Variants in FHOD3 observed in about 807,000 individuals in gnomAD.
FHOD3 encodes the protein formin homology 2 domain containing 3.
Under a neutral mutation model 173.0 loss-of-function variants are expected in FHOD3, and 90 were observed. That is an observed-to-expected ratio of 0.52 (90% CI 0.44 to 0.62). The LOEUF is 0.62. Among genes scored for constraint, FHOD3 ranks in the 20% least tolerant of loss-of-function variants. FHOD3 has a pLI of 0.00. For synonymous variants in FHOD3, 828 were observed against 823.0 expected, an observed-to-expected ratio of 1.01 and a Z score of -0.10; for missense variants, 1,945 against 2,034.7, an observed-to-expected ratio of 0.96 and a Z score of 0.85.
chr18:36,652,657 C>T lies in FHOD3; in HGVS notation c.1374C>T (p.Ser458=). 6.5e-7 allele frequency: 1 copy of T among 1,535,624 alleles called. No individual in the cohort carries two copies. The change falls in exon 12 of 29, where the codon AGC becomes AGT. Residue 458 remains serine, a synonymous_variant. Transcript: ENST00000590592. ...SSALPAVSNA[S]SQGKPLLVGT... Reference sequence around the variant, plus strand: ...CCCTCCCTGCTGTCTCGAATGCCAGCTCGCAGGGAAAGCCGCTTCTGGTTG... The same window carrying T: ...CCCTCCCTGCTGTCTCGAATGCCAGTTCGCAGGGAAAGCCGCTTCTGGTTG...
intron 23 of FHOD3, 36 bp downstream of exon 23, chr18:36,744,229 C>G (rs368206434): frequency 2.5e-6 from 4 of 1,582,428 alleles, no homozygotes; most frequent in Non-Finnish European, 3.4e-6. Flanking sequence ...GGCCTGGTCT[C>G]GCTGCAGCCA....
chr18:36,645,454 G>A (rs1273316440), intron 10 of FHOD3, among the ~76,000 whole-genome samples: 5 of 152,064 alleles, frequency 3.3e-5, no homozygotes, highest in Non-Finnish European at 5.9e-5. Context: ...TGGCTTAGAT[G>A]TGCTTGTTTG....
intron 1 of FHOD3, among the ~76,000 whole-genome samples, chr18:36,353,100 C>T (rs867548588): frequency 2.8e-4 from 42 of 152,342 alleles, no homozygotes; most frequent in African/African-American, 8.9e-4. Flanking sequence ...ACACCTTTGA[C>T]ACTACAGTAC....
rs9304162 is a variant in FHOD3, at chr18:36,740,667, G to C, written c.3588G>C (p.Thr1196=). 2 of 1,613,220 alleles carry C rather than the reference G, an allele frequency of 1.2e-6. No individual in the cohort carries two copies. The highest frequency in any genetic ancestry group is 1.7e-6 in the Non-Finnish European group (2 of 1,179,812). Residue 1196 remains threonine (T), a synonymous_variant, in exon 21 of 29, where the codon ACG becomes ACC. Transcript: ENST00000590592. The part of the protein sequence containing the change: ...LNKEGIEKIL[T]MIPTDEEKQK... Reference sequence around the variant, plus strand: ...TCTCCTATTTCCAGAAAATTCTAACGATGATTCCCACCGATGAGGAGAAGC... The same window carrying C: ...TCTCCTATTTCCAGAAAATTCTAACCATGATTCCCACCGATGAGGAGAAGC...
At chr18:36,616,706 A>G (rs1020592968) in intron 9 of FHOD3, among the ~76,000 whole-genome samples, 12 of 151,940 alleles carry the variant, frequency 7.9e-5, no homozygotes, top group African/African-American at 2.7e-4. Flanking sequence ...TCATCCTACT[A>G]CTCCTATCCC....
intron 14 of FHOD3, among the ~76,000 whole-genome samples, chr18:36,671,311 A>T (rs942011998): frequency 6.6e-6 from 1 of 152,240 alleles, no homozygotes; most frequent in Non-Finnish European, 1.5e-5. Flanking sequence ...ATGTTCTCCA[A>T]TCAGTAAGCT....
intron 3 of FHOD3, among the ~76,000 whole-genome samples, chr18:36,375,428 T>C (rs1243267782): frequency 1.3e-5 from 2 of 152,218 alleles, no homozygotes; most frequent in African/African-American, 4.8e-5. Context: ...ACGATTGGAC[T>C]GGAAGGATCC....
chr18:36,606,023 T>TA (rs1171764403), intron 8 of FHOD3, among the ~76,000 whole-genome samples: 1 of 151,914 alleles, frequency 6.6e-6, no homozygotes, highest in African/African-American at 2.4e-5. Context: ...GTACAATGAG[T>TA]AACAAGAGGG....
chr18:36,694,028 G>A (rs776221118), intron 17 of FHOD3, among the ~76,000 whole-genome samples: 26 of 152,168 alleles, frequency 1.7e-4, no homozygotes, highest in Non-Finnish European at 2.6e-4. Context: ...TTGGAGAGGC[G>A]CGATGATATT....
intron 2 of FHOD3, among the ~76,000 whole-genome samples, chr18:36,357,430 C>T (rs1174665651): frequency 6.6e-6 from 1 of 152,168 alleles, no homozygotes; most frequent in Non-Finnish European, 1.5e-5. Context: ...TCCTGAATAG[C>T]ATGGCCATGC....
intron 3 of FHOD3, among the ~76,000 whole-genome samples, chr18:36,384,335 G>A (rs984065828): frequency 2.6e-5 from 4 of 151,934 alleles, no homozygotes; most frequent in Admixed American, 1.3e-4. Flanking sequence ...AGCTGAGATC[G>A]CACTACTAAA....
chr18:36,586,733 G>T (rs1599760671), intron 6 of FHOD3, among the ~76,000 whole-genome samples: 2 of 152,074 alleles, frequency 1.3e-5, no homozygotes, highest in South Asian at 4.1e-4. Flanking sequence ...TCCCACCTCG[G>T]CCCCGCAAAG....
intron 1 of FHOD3, among the ~76,000 whole-genome samples, chr18:36,319,566 TAGAC>T (rs1213753327): frequency 6.6e-6 from 1 of 152,150 alleles, no homozygotes; most frequent in African/African-American, 2.4e-5. Flanking sequence ...CTGTCAATAT[TAGAC>T]AGATCAATGA....
intron 19 of FHOD3, among the ~76,000 whole-genome samples, chr18:36,726,381 A>G (rs2041071623): frequency 6.6e-6 from 1 of 152,086 alleles, no homozygotes; most frequent in Non-Finnish European, 1.5e-5. Flanking sequence ...GTTTCTCATC[A>G]ATTGCAGAAC....
intron 17 of FHOD3, among the ~76,000 whole-genome samples, chr18:36,698,882 G>T (rs1345907641): frequency 6.6e-6 from 1 of 152,204 alleles, no homozygotes; most frequent in East Asian, 1.9e-4. Flanking sequence ...AAACATGCAG[G>T]CACATTGTGG....
intron 4 of FHOD3, among the ~76,000 whole-genome samples, chr18:36,511,054 A>G (rs368920643): frequency 2.6e-4 from 40 of 152,310 alleles, no homozygotes; most frequent in African/African-American, 8.7e-4. Context: ...GTTCATCTAC[A>G]TTATTTTTTC....
chr18:36,574,448 C>T (rs971863092), intron 5 of FHOD3, among the ~76,000 whole-genome samples: 6 of 151,436 alleles, frequency 4.0e-5, no homozygotes, highest in Non-Finnish European at 7.4e-5. Flanking sequence ...TATTGTCTTA[C>T]TAGTTTGTAT....
intron 4 of FHOD3, among the ~76,000 whole-genome samples, chr18:36,511,732 TG>T (rs1007319826): frequency 6.6e-6 from 1 of 152,178 alleles, no homozygotes; most frequent in African/African-American, 2.4e-5. Context: ...CAGTCTCTGT[TG>T]GCTGATAGGT....
intron 3 of FHOD3, among the ~76,000 whole-genome samples, chr18:36,444,317 A>G (rs2051339977): frequency 6.6e-6 from 1 of 151,132 alleles, no homozygotes; most frequent in South Asian, 2.1e-4. Flanking sequence ...GTGTGGTTAT[A>G]TTATTTATTT....
Sources: gnomAD v4.1 joint callset for allele counts (sites outside exome capture counted in the v4.1 genomes callset) on GRCh38, gnomAD v4.1.1 for gene constraint, MANE v1.5 for transcripts, NCBI Gene and HGNC (gene_info 2026-07-23, HGNC 2026-07-21) for gene names.